The following ASAH2 variants were observed in gnomAD, a reference collection of about 807,000 sequenced individuals.
The protein encoded by ASAH2 is neutral ceramidase.
In ASAH2, 58 loss-of-function variants were observed where a neutral mutation model predicts 82.9. That is an observed-to-expected ratio of 0.70 (90% confidence interval 0.57 to 0.87). The LOEUF (loss-of-function observed/expected upper bound fraction) is 0.87. ASAH2 is among the 40% of genes least tolerant of loss of function. The pLI is 0.00. For missense variants in ASAH2, 779 were observed against 834.0 expected (o/e 0.93, Z 0.81); for synonymous variants, 276 against 289.7 (o/e 0.95, Z 0.48).
At chr10:50,232,209 C>G (rs1380062857) in intron 7 of ASAH2, among the ~76,000 whole-genome samples, 2 of 152,166 alleles carry the variant, frequency 1.3e-5, no homozygotes, top group South Asian at 4.1e-4. Context: ...GTTTTATTCA[C>G]ATAGCATCTT....
In ASAH2 at chr10:50,243,365, G is replaced by T; in HGVS notation, c.361-14C>A. The T allele has an allele frequency of 6.2e-7, 1 of 1,613,714 alleles. No homozygotes were observed. The highest frequency in any genetic ancestry group is 1.1e-5 in the South Asian group (1 of 91,002). ...GCCATAGCCCATCTAAAGAGGAAGA[G>T]ACAATCAGAGCTGCTCTGTCTCATT... On this transcript the variant is annotated splice_polypyrimidine_tract_variant and intron_variant, in intron 3 of 20. Coordinates refer to ENST00000682911, the MANE Select transcript of ASAH2 (RefSeq NM_019893.4).
At chr10:50,231,164 T>G (rs1846012828) in intron 7 of ASAH2, among the ~76,000 whole-genome samples, 1 of 152,136 alleles carries the variant, frequency 6.6e-6, no homozygotes, top group African/African-American at 2.4e-5. Context: ...CCAACAAATT[T>G]GGGATACTCA....
intron 7 of ASAH2, among the ~76,000 whole-genome samples, chr10:50,231,489 C>G (rs997230646): frequency 2.0e-5 from 3 of 152,146 alleles, no homozygotes; most frequent in African/African-American, 4.8e-5. Context: ...TGCTGGTCAT[C>G]TGATTCATGT....
Position 50,248,652 on chromosome 10 carries a change from G to C in ASAH2, c.-36-6C>G, listed in dbSNP as rs746212421. 1.3e-6 allele frequency: 2 copies of C among 1,588,948 alleles called. No individual in the cohort carries two copies. The highest frequency in any genetic ancestry group is 1.7e-6 in the Non-Finnish European group (2 of 1,166,676). On this transcript the variant is annotated splice_polypyrimidine_tract_variant and splice_region_variant and intron_variant, in intron 1 of 20. Coordinates refer to ENST00000682911, the MANE Select transcript of ASAH2 (RefSeq NM_019893.4). ...CAGAGATGGAAGAAGAAATACTGAA[G>C]AGGAAGAAATCACAAATTAAAATGC... is the stretch of plus-strand genomic sequence containing the variant.
intron 17 of ASAH2, among the ~76,000 whole-genome samples, chr10:50,197,370 T>C (rs71203959): frequency 0.22 from 33,094 of 149,376 alleles, 4,381 homozygotes; most frequent in African/African-American, 0.4. Flanking sequence ...TAAAAGAATA[T>C]AATAAATATA....
At chr10:50,247,547 G>A (rs1277318662) in intron 2 of ASAH2, among the ~76,000 whole-genome samples, 1 of 151,968 alleles carries the variant, frequency 6.6e-6, no homozygotes, top group East Asian at 1.9e-4. Flanking sequence ...GAGGATCTCT[G>A]ATCCTCTGTG....
chr10:50,206,115 AT>A lies in ASAH2; in HGVS notation c.1415-19del. On this transcript the variant is annotated intron_variant, in intron 12 of 20. Transcript: ENST00000682911. ...TGTTTTCCCTATTAGAAATGTTATAATTAGTATACTTCCTTGAACCAACCCT... is the reference window on the plus strand; with the variant it reads ...TGTTTTCCCTATTAGAAATGTTATAATAGTATACTTCCTTGAACCAACCCT... The A allele has an allele frequency of 6.5e-7, 1 of 1,549,480 alleles. No individual in the cohort carries two copies. Among genetic ancestry groups the A allele is most frequent in the Non-Finnish European group, 8.9e-7 (1 of 1,121,418 alleles).
At chr10:50,207,781 T>C (rs1016525683) in intron 12 of ASAH2, among the ~76,000 whole-genome samples, 6 of 151,760 alleles carry the variant, frequency 4.0e-5, no homozygotes, top group Admixed American at 1.3e-4. Flanking sequence ...TCCAAAATAA[T>C]AGAAAAGGGA....
intron 12 of ASAH2, among the ~76,000 whole-genome samples, chr10:50,208,389 T>C (rs1371577229): frequency 6.6e-6 from 1 of 152,022 alleles, no homozygotes; most frequent in African/African-American, 2.4e-5. Context: ...TAAGATGACA[T>C]GATCTTGTAT....
intron 14 of ASAH2, among the ~76,000 whole-genome samples, chr10:50,204,473 A>C (rs1018309764): frequency 6.6e-6 from 1 of 152,028 alleles, no homozygotes; most frequent in African/African-American, 2.4e-5. Context: ...TAAAATTGCC[A>C]GTTACTGAGA....
At chr10:50,217,458 A>G (rs1009005167) in intron 8 of ASAH2, among the ~76,000 whole-genome samples, 25 of 151,826 alleles carry the variant, frequency 1.6e-4, no homozygotes, top group Non-Finnish European at 3.1e-4. Context: ...CGAACTCCTG[A>G]CCTCATGATT....
At chr10:50,208,761 T>C (rs1460179743) in intron 12 of ASAH2, among the ~76,000 whole-genome samples, 2 of 152,188 alleles carry the variant, frequency 1.3e-5, no homozygotes, top group Non-Finnish European at 2.9e-5. Flanking sequence ...AATTCAATGA[T>C]ATTCCCATCG....
intron 2 of ASAH2, among the ~76,000 whole-genome samples, chr10:50,247,313 A>G (rs1175150953): frequency 8.8e-6 from 1 of 113,666 alleles, no homozygotes; most frequent in African/African-American, 3.2e-5. Context: ...GTGCACCACC[A>G]CAAACAGCTA....
Position 50,235,977 on chromosome 10 carries a change from C to T in ASAH2, c.598G>A (p.Ala200Thr), listed in dbSNP as rs1846149253. 2 of 1,613,328 alleles carry T rather than the reference C, an allele frequency of 1.2e-6. No individual in the cohort carries two copies. Among genetic ancestry groups the T allele is most frequent in the African/African-American group, 1.3e-5 (1 of 74,978 alleles). Residue 200 changes from alanine (A) to threonine (T), a missense_variant, in exon 5 of 21, where the codon GCA (alanine) becomes ACA (threonine). This residue lies in a region of ASAH2 where 759 missense variants were observed against 755.2 expected (regional missense o/e 1.00). Transcript: ENST00000682911. The stretch of plus-strand genomic sequence containing the variant: ...AACACGGTATACTGGAAATATCCTG[C>T]AGGACCTGAATGAGTGTGAGTGCCA... ...LSGTHTHSGP[A>T]GYFQYTVFVI...
intron 7 of ASAH2, among the ~76,000 whole-genome samples, chr10:50,226,401 C>T (rs1311997896): frequency 7.9e-5 from 12 of 152,090 alleles, no homozygotes; most frequent in Admixed American, 2.6e-4. Context: ...GAAGCTGGCT[C>T]TGAGTGTCAG....
At chr10:50,197,568 C>G (rs1461586434) in intron 17 of ASAH2, among the ~76,000 whole-genome samples, 2 of 151,948 alleles carry the variant, frequency 1.3e-5, no homozygotes, top group Non-Finnish European at 2.9e-5. Context: ...ATTTAACGCT[C>G]TTTATTCCTC....
At chr10:50,193,237 T>C (rs1392620244) in intron 18 of ASAH2, among the ~76,000 whole-genome samples, 1 of 151,354 alleles carries the variant, frequency 6.6e-6, no homozygotes, top group Non-Finnish European at 1.5e-5. Flanking sequence ...GATATTTGAG[T>C]GGCAGCAGAC....
intron 2 of ASAH2, among the ~76,000 whole-genome samples, chr10:50,247,237 C>T (rs1846484533): frequency 6.6e-6 from 1 of 151,978 alleles, no homozygotes. Flanking sequence ...ACTGCAACCT[C>T]TGACCCCTGG....
chr10:50,249,402 C>T (rs1846557235), intron 1 of ASAH2, among the ~76,000 whole-genome samples: 1 of 152,092 alleles, frequency 6.6e-6, no homozygotes, highest in Non-Finnish European at 1.5e-5. Flanking sequence ...GAGAATTAAT[C>T]ATTACTCAGA....
Sources: gnomAD v4.1 joint callset for allele counts (sites outside exome capture counted in the v4.1 genomes callset) on GRCh38, gnomAD v4.1.1 for gene constraint, gnomAD v4.1.1 regional missense constraint, MANE v1.5 for transcripts, NCBI Gene and HGNC (gene_info 2026-07-23, HGNC 2026-07-21) for gene names.